The following SLC6A9 variants were observed in gnomAD, a reference collection of about 807,000 sequenced individuals.
SLC6A9 encodes the protein sodium- and chloride-dependent glycine transporter 1.
Under a neutral mutation model 70.9 loss-of-function variants are expected in SLC6A9, and 31 were observed. That is an observed-to-expected ratio of 0.44 (90% confidence interval 0.33 to 0.59). The LOEUF (loss-of-function observed/expected upper bound fraction) is 0.59, where lower values mean the gene tolerates loss of function less well. Among genes scored for constraint, SLC6A9 ranks in the 20% least tolerant of loss-of-function variants. The pLI, the probability that SLC6A9 is intolerant of heterozygous loss-of-function variation, is 0.04. For synonymous variants in SLC6A9, 310 were observed against 341.3 expected (o/e 0.91, Z 1.01); for missense variants, 631 against 845.2 (o/e 0.75, Z 3.14).
At chr1:44,029,986 G>A (rs2087064406) in intron 1 of SLC6A9, among the ~76,000 whole-genome samples, 1 of 152,190 alleles carries the variant, frequency 6.6e-6, no homozygotes, top group African/African-American at 2.4e-5. Context: ...CCTTTCAGCG[G>A]AGAAATAGAC....
In SLC6A9 at chr1:43,998,031, C is replaced by A. The variant is rs113184612; in HGVS notation, c.1537-6G>T. ...ACAGTGAAAACTAGAATAAACTGCA[C>A]GGGGCAGGTGTGGGAGTGGGCGTGA... On this transcript the variant is annotated splice_region_variant and splice_polypyrimidine_tract_variant and intron_variant, in intron 12 of 13. Transcript: ENST00000372310. 4 of 1,607,840 alleles carry A rather than the reference C, an allele frequency of 2.5e-6. No individual in the cohort carries two copies. The African/African-American group carries it at 5.3e-5, about 21-fold the overall frequency.
chr1:44,028,417 G>A (rs1459535892), intron 1 of SLC6A9, among the ~76,000 whole-genome samples: 1 of 152,190 alleles, frequency 6.6e-6, no homozygotes, highest in Non-Finnish European at 1.5e-5. Context: ...TGTGGAGAAA[G>A]GACTGGAGGG....
At chr1:44,022,142 GGGCCGACC>G (rs1557694804) in intron 2 of SLC6A9, among the ~76,000 whole-genome samples, 1 of 152,210 alleles carries the variant, frequency 6.6e-6, no homozygotes, top group Non-Finnish European at 1.5e-5. Context: ...CAGGCTGGCC[GGGCCGACC>G]GGCAGAGCAC....
intron 5 of SLC6A9, 93 bp downstream of exon 5, chr1:44,008,260 C>T (rs1448265215): frequency 1.5e-6 from 2 of 1,306,144 alleles, no homozygotes; most frequent in Non-Finnish European, 2.2e-6. Flanking sequence ...GCTGAACCTG[C>T]AGCAGGCACC....
intron 1 of SLC6A9, among the ~76,000 whole-genome samples, chr1:44,025,554 C>A (rs1041936460): frequency 6.6e-5 from 10 of 151,176 alleles, no homozygotes; most frequent in Admixed American, 6.6e-5. Context: ...AATCCCAGCA[C>A]TTTAGGAGGC....
chr1:44,011,435 T>TG, intron 2 of SLC6A9: 1 of 788,516 alleles, frequency 1.3e-6, no homozygotes. Context: ...TGGGCAGGGC[T>TG]GGGGGGAAAT....
chr1:44,025,383 G>C (rs1393856048), intron 1 of SLC6A9, among the ~76,000 whole-genome samples: 1 of 151,900 alleles, frequency 6.6e-6, no homozygotes, highest in Non-Finnish European at 1.5e-5. Flanking sequence ...CAGATGGGAC[G>C]GAAGAAAGGT....
At chr1:44,011,545 GC>G (rs1557684068) in intron 2 of SLC6A9, 1 of 1,612,340 alleles carries the variant, frequency 6.2e-7, no homozygotes, top group Non-Finnish European at 8.5e-7. Flanking sequence ...CTGGGGAGGG[GC>G]CCTGGGGAGC....
At chr1:44,025,265 G>T (rs1014027422) in intron 1 of SLC6A9, among the ~76,000 whole-genome samples, 3 of 121,108 alleles carry the variant, frequency 2.5e-5, no homozygotes, top group African/African-American at 1.7e-4. Context: ...GGCCAGCCCA[G>T]GATCTTGTGG....
rs199700395 is a variant in SLC6A9, at chr1:44,000,937, C to T, written c.1435+19G>A. On this transcript the variant is annotated intron_variant, in intron 11 of 13. Coordinates refer to ENST00000372310, the MANE Select transcript of SLC6A9 (RefSeq NM_001024845.3). ...GGCCAAGGGCCGGGTCGCGGGAGGC[C>T]GGAGGCTCGAGTGCTCACCGTAGAT... 3.5e-3 allele frequency: 5,540 copies of T among 1,602,592 alleles called. 205 individuals carry two copies. In the South Asian group the frequency reaches 0.058, roughly 17 times the overall value.
rs1202446798 is a variant in SLC6A9 at position 44,013,955 on chromosome 1, G to A, written c.31-3073C>T. Among the ~76,000 whole-genome samples, 1 of 152,078 alleles carries A rather than the reference G, an allele frequency of 6.6e-6. No individual in the cohort carries two copies. The highest frequency in any genetic ancestry group is 1.5e-5 in the Non-Finnish European group (1 of 68,010). Reference sequence around the variant, plus strand: ...TCTAGTTTTTCTTGATCTGCTGGGTGGACGGCTGTGTCACTGATATGAACT... The same window carrying A: ...TCTAGTTTTTCTTGATCTGCTGGGTAGACGGCTGTGTCACTGATATGAACT... On this transcript the variant is annotated intron_variant, in intron 2 of 13. Transcript: ENST00000372310. This position sits in a 1 kb window ranked among gnomAD's most constrained non-coding sequence, Gnocchi z 5.3.
intron 2 of SLC6A9, among the ~76,000 whole-genome samples, chr1:44,022,349 C>T (rs1571914321): frequency 1.3e-5 from 2 of 152,300 alleles, no homozygotes; most frequent in Middle Eastern, 3.4e-3. Context: ...GGCAGGGCCA[C>T]ACCCCGCTTC....
chr1:44,006,016 C>T (rs1370167995), intron 5 of SLC6A9, among the ~76,000 whole-genome samples: 1 of 152,204 alleles, frequency 6.6e-6, no homozygotes, highest in African/African-American at 2.4e-5. Context: ...TGGGTGGGCC[C>T]AGGGCTGGGA....
In SLC6A9 at chr1:44,000,789, A is replaced by C. The variant is rs762571323; in HGVS notation, c.1514T>G (p.Phe505Cys). 1 of 1,610,224 alleles carries C rather than the reference A, an allele frequency of 6.2e-7. No homozygotes were observed. The highest frequency in any genetic ancestry group is 8.5e-7 in the Non-Finnish European group (1 of 1,177,982). Residue 505 changes from phenylalanine to cysteine, a missense_variant, in exon 12 of 14, where the codon TTC (phenylalanine) becomes TGC (cysteine). By Grantham distance (205) the Phe-to-Cys change is radical. Transcript: ENST00000372310. ...PPLFFQICWR[F>C]VSPAIIFFIL... ...CACGAAGATGATGGCGGGAGAGACG[A>C]AGCGCCAGCAGATCTGAAAGAAGAG...
intron 3 of SLC6A9, chr1:44,010,471 G>GGGGGGGGGGT (rs55903609): frequency 1.4e-5 from 3 of 215,510 alleles, no homozygotes; most frequent in South Asian, 7.4e-5. Context: ...GGGGGGGGGG[G>GGGGGGGGGGT]TTAGGTCCTT....
Position 43,997,142 on chromosome 1 carries a change from G to A in SLC6A9, c.*403C>T. ...CCCCTAGGGAGGAATAGCCAAATGT[G>A]CCTGGCAGAGGCTGGGGTCGGCTCT... On this transcript the variant is annotated 3_prime_UTR_variant, in exon 14 of 14. Coordinates refer to ENST00000372310, the MANE Select transcript of SLC6A9 (RefSeq NM_001024845.3). This position sits in a 1 kb window ranked among gnomAD's most constrained non-coding sequence, Gnocchi z 4.4. 1 of 218,786 alleles carries A rather than the reference G, an allele frequency of 4.6e-6. No individual in the cohort carries two copies. The allele number at this position is 218,786 out of a possible 1,614,324, so 13.6% of individuals were successfully genotyped here. A position where few individuals can be genotyped will look rare whatever the true frequency, so the allele number is the denominator to read the frequency against.
At chr1:44,021,983 C>T (rs1385596233) in intron 2 of SLC6A9, among the ~76,000 whole-genome samples, 1 of 152,234 alleles carries the variant, frequency 6.6e-6, no homozygotes, top group Non-Finnish European at 1.5e-5. Context: ...CTGGGGGTGC[C>T]CATGGGACAG....
intron 2 of SLC6A9, among the ~76,000 whole-genome samples, chr1:44,023,262 C>A (rs539185672): frequency 6.6e-6 from 1 of 152,172 alleles, no homozygotes; most frequent in Non-Finnish European, 1.5e-5. Context: ...ACAACCATTG[C>A]CTCTGGGACA....
At chr1:44,017,271 C>T in intron 2 of SLC6A9, 2 of 1,497,182 alleles carry the variant, frequency 1.3e-6, no homozygotes, top group Non-Finnish European at 8.8e-7. Context: ...GCCCCTCCGG[C>T]CAGTCCCCAT....
Sources: allele counts gnomAD v4.1 joint callset (sites outside exome capture counted in the v4.1 genomes callset), GRCh38; gene constraint gnomAD v4.1.1; non-coding constraint Gnocchi (gnomAD v3.1); transcripts MANE v1.5; gene names NCBI Gene and HGNC (gene_info 2026-07-23, HGNC 2026-07-21).